Variants in ZBBX observed in about 807,000 individuals in gnomAD.
The protein encoded by ZBBX is zinc finger B-box domain-containing protein 1.
Under a neutral mutation model 108.5 loss-of-function variants are expected in ZBBX, and 101 were observed. The ratio of observed to expected loss-of-function variants is 0.93; its 90% CI spans 0.79 to 1.10. The LOEUF (loss-of-function observed/expected upper bound fraction) is 1.10, where lower values mean the gene tolerates loss of function less well. ZBBX is among the 50% of genes least tolerant of loss of function. The pLI, the probability that ZBBX is intolerant of heterozygous loss-of-function variation, is 0.00. For synonymous variants in ZBBX, 356 were observed against 323.4 expected (o/e 1.10, Z -1.08); for missense variants, 1,009 against 941.4 (o/e 1.07, Z -0.94).
chr3:167,321,340 T>C (rs753820062), intron 12 of ZBBX, among the ~76,000 whole-genome samples: 12 of 152,040 alleles, frequency 7.9e-5, no homozygotes, highest in Non-Finnish European at 1.6e-4. Flanking sequence ...ATTTTATCTG[T>C]ATGGGCTTAA....
At chr3:167,253,760 T>C (rs1406060900) in intron 20 of ZBBX, among the ~76,000 whole-genome samples, 2 of 151,892 alleles carry the variant, frequency 1.3e-5, no homozygotes, top group Admixed American at 1.3e-4. Flanking sequence ...GCAAGTGAAA[T>C]CCAAAGAAAT....
Position 167,240,646 on chromosome 3 carries a change from T to C in ZBBX, c.*147A>G. Reference sequence around the variant, plus strand: ...AGAATAAGCCCTTGAACTTATAATTTTACTTTTATTAGTTTGTAGCCTTGA... The same window carrying C: ...AGAATAAGCCCTTGAACTTATAATTCTACTTTTATTAGTTTGTAGCCTTGA... On this transcript the variant is annotated 3_prime_UTR_variant, in exon 22 of 22. Transcript: ENST00000675490. 2 of 859,926 alleles carry C rather than the reference T, an allele frequency of 2.3e-6. No individual in the cohort carries two copies. Among genetic ancestry groups the C allele is most frequent in the Non-Finnish European group, 3.5e-6 (2 of 576,902 alleles). 53.3% of individuals were successfully genotyped at this position (859,926 alleles called of 1,614,324 possible).
chr3:167,334,015 C>A (rs746523269), intron 9 of ZBBX, 30 bp from the exon 10 acceptor site: 3 of 1,431,822 alleles, frequency 2.1e-6, no homozygotes, highest in Non-Finnish European at 1.9e-6. Context: ...ATAATTAAAG[C>A]GCCTCATATG....
At position 167,402,784 on chromosome 3, in the gene ZBBX, G is replaced by GCA. The variant is rs1560217934; in HGVS notation, c.-446+4941_-446+4942insTG. 1.1e-3 allele frequency among the ~76,000 whole-genome samples: 142 copies of GCA among 123,976 alleles called. 1 individual carries two copies. Among genetic ancestry groups the GCA allele is most frequent in the African/African-American group, 3.7e-3 (132 of 35,828 alleles). The allele number at this position is 123,976 out of a possible 152,430, so 81.3% of individuals were successfully genotyped here. ...ATTATATATCTGTAAACTACAATAT[G>GCA]TAAAAAAAAAAAATAGATGAACTAT... On this transcript the variant is annotated intron_variant, in intron 1 of 21. Coordinates refer to the ZBBX transcript ENST00000455345.
chr3:167,258,076 A>T (rs2108399393), intron 20 of ZBBX, among the ~76,000 whole-genome samples: 1 of 152,248 alleles, frequency 6.6e-6, no homozygotes, highest in South Asian at 2.1e-4. Flanking sequence ...ATGCTTGCCT[A>T]AGCCAATGTC....
the ZBBX span, among the ~76,000 whole-genome samples, chr3:167,220,078 A>G: frequency 3.3e-5 from 5 of 151,980 alleles, no homozygotes; most frequent in Admixed American, 2.6e-4. Context: ...CAGACCAATA[A>G]TAAGTAATGA....
At chr3:167,348,409 G>C (rs997189912) in intron 9 of ZBBX, among the ~76,000 whole-genome samples, 4 of 111,464 alleles carry the variant, frequency 3.6e-5, no homozygotes, top group African/African-American at 3.4e-5. Flanking sequence ...AGGGAGAGGA[G>C]AGAGAGAAAG....
chr3:167,362,713 C>T (rs1744716212), intron 6 of ZBBX, among the ~76,000 whole-genome samples: 2 of 152,122 alleles, frequency 1.3e-5, no homozygotes, highest in South Asian at 4.1e-4. Context: ...CCCACAGGAC[C>T]TAGCCCCTTT....
In ZBBX at chr3:167,239,976, G is replaced by C. The variant is rs2108298699; in HGVS notation, c.*817C>G. Among the ~76,000 whole-genome samples, 1 of 152,184 alleles carries C rather than the reference G, an allele frequency of 6.6e-6. No homozygotes were observed. Among genetic ancestry groups the C allele is most frequent in the Non-Finnish European group, 1.5e-5 (1 of 67,990 alleles). On this transcript the variant is annotated 3_prime_UTR_variant, in exon 22 of 22. Coordinates refer to ENST00000675490, the MANE Select transcript of ZBBX (RefSeq NM_001199201.2). Reference sequence around the variant, plus strand: ...CAGCAAAGAGAAGTCCTGAGCAAAAGGGGGGACAGCCCCTTATAAAACCAT... The same window carrying C: ...CAGCAAAGAGAAGTCCTGAGCAAAACGGGGGACAGCCCCTTATAAAACCAT...
Position 167,308,504 on chromosome 3 carries a change from T to C in ZBBX, c.1418-2554A>G, listed in dbSNP as rs570937405. Among the ~76,000 whole-genome samples, 12 of 152,240 alleles carry C rather than the reference T, an allele frequency of 7.9e-5. No individual in the cohort carries two copies. The East Asian group carries it at 1.9e-3, about 25-fold the overall frequency. On this transcript the variant is annotated intron_variant, in intron 16 of 21. Transcript: ENST00000675490. ...AATCATTCTATTATAAAGATACATGTATATGTATGCTCAATGCAGCACTAT... is the reference window on the plus strand; with the variant it reads ...AATCATTCTATTATAAAGATACATGCATATGTATGCTCAATGCAGCACTAT...
chr3:167,336,488 A>G (rs1739573883), intron 9 of ZBBX, among the ~76,000 whole-genome samples: 1 of 152,150 alleles, frequency 6.6e-6, no homozygotes, highest in Non-Finnish European at 1.5e-5. Flanking sequence ...TCTTAGAACA[A>G]TCATACAAAG....
At chr3:167,267,236 T>A (rs1725686215) in intron 20 of ZBBX, among the ~76,000 whole-genome samples, 1 of 152,156 alleles carries the variant, frequency 6.6e-6, no homozygotes, top group South Asian at 2.1e-4. Flanking sequence ...AAGAGGGACC[T>A]GAAATATTTC....
the ZBBX span, among the ~76,000 whole-genome samples, chr3:167,181,371 T>C: frequency 6.6e-6 from 1 of 152,196 alleles, no homozygotes; most frequent in Non-Finnish European, 1.5e-5. Context: ...TCCCAGGTTG[T>C]CCATCAGGCC....
the ZBBX span, among the ~76,000 whole-genome samples, chr3:167,201,840 G>A: frequency 2.6e-5 from 4 of 152,060 alleles, no homozygotes; most frequent in African/African-American, 9.7e-5. Context: ...AAATGCTTAA[G>A]TTCTTTAAGA....
chr3:167,358,533 T>G (rs1335461789), intron 8 of ZBBX, among the ~76,000 whole-genome samples: 1 of 152,154 alleles, frequency 6.6e-6, no homozygotes, highest in Non-Finnish European at 1.5e-5. Flanking sequence ...TTATATGTAT[T>G]TCACTATAAT....
At chr3:167,254,312 C>T (rs1037532891) in intron 20 of ZBBX, among the ~76,000 whole-genome samples, 6 of 152,060 alleles carry the variant, frequency 3.9e-5, no homozygotes, top group Non-Finnish European at 8.8e-5. Flanking sequence ...GCAAATAGGA[C>T]AAAACATAGC....
chr3:167,290,676 C>A (rs1261320793), intron 18 of ZBBX, among the ~76,000 whole-genome samples: 1 of 152,066 alleles, frequency 6.6e-6, no homozygotes, highest in Non-Finnish European at 1.5e-5. Context: ...CTCCTCACCA[C>A]CAAGGGAACA....
intron 1 of ZBBX, among the ~76,000 whole-genome samples, chr3:167,386,001 C>T (rs559694561): frequency 7.6e-4 from 116 of 152,028 alleles, no homozygotes; most frequent in Non-Finnish European, 1.4e-3. Context: ...TGTGACCCAA[C>T]CTACCCTTGT....
chr3:167,297,593 C>T (rs1731892199), intron 18 of ZBBX, among the ~76,000 whole-genome samples: 1 of 151,842 alleles, frequency 6.6e-6, no homozygotes. Context: ...AGTAAAAGGG[C>T]AATCCACAGA....
Sources: allele counts gnomAD v4.1 joint callset (sites outside exome capture counted in the v4.1 genomes callset), GRCh38; gene constraint gnomAD v4.1.1; transcripts MANE v1.5; gene names NCBI Gene and HGNC (gene_info 2026-07-23, HGNC 2026-07-21).